DOCK1: variants seen among roughly 807,000 people sequenced by gnomAD.
DOCK1 encodes the protein dedicator of cytokinesis protein 1.
Under a neutral mutation model 262.7 loss-of-function variants are expected in DOCK1, and 138 were observed. The ratio of observed to expected loss-of-function variants is 0.53; its 90% confidence interval spans 0.46 to 0.61. The LOEUF is 0.61. Ranked by LOEUF, DOCK1 falls within the 20% of genes least tolerant of loss-of-function variation. The pLI is 0.00. For synonymous variants in DOCK1, 866 were observed against 867.4 expected (o/e 1.00, Z 0.03); for missense variants, 1,908 against 2,370.7 (o/e 0.80, Z 4.05).
At chr10:127,335,559 T>G (rs1436228909) in intron 29 of DOCK1, among the ~76,000 whole-genome samples, 1 of 127,572 alleles carries the variant, frequency 7.8e-6, no homozygotes, top group African/African-American at 2.8e-5. Flanking sequence ...AGATTTTTTT[T>G]TTTTTTGAGA....
intron 27 of DOCK1, among the ~76,000 whole-genome samples, chr10:127,142,672 G>A (rs1211172992): frequency 6.6e-6 from 1 of 152,162 alleles, no homozygotes; most frequent in African/African-American, 2.4e-5. Context: ...CCTGGGGACT[G>A]TAGGGATTTA....
chr10:126,996,773 A>G lies in DOCK1; in HGVS notation c.499A>G (p.Arg167Gly), dbSNP rs752049755. Residue 167 changes from arginine to glycine, a missense_variant, in exon 7 of 52, where the codon AGA becomes GGA. Physicochemically the swap from Arg to Gly is moderately radical, Grantham distance 125. Around this residue, in one of 9 missense-constraint regions of DOCK1, gnomAD observed 227 missense variants for 254.1 expected, o/e 0.89. Coordinates refer to ENST00000623213, the MANE Select transcript of DOCK1 (RefSeq NM_001290223.2). ...NRILDLDLVV[R>G]DEDGNILDPE... The stretch of plus-strand genomic sequence containing the variant: ...AATTCTAGATTTGGACCTGGTGGTT[A>G]GAGATGAAGATGGGAATATTTTGGA... 6.2e-7 allele frequency: 1 copy of G among 1,612,198 alleles called. No homozygotes were observed. The highest frequency in any genetic ancestry group is 1.1e-5 in the South Asian group (1 of 90,730).
intron 27 of DOCK1, among the ~76,000 whole-genome samples, chr10:127,152,883 A>G (rs1168880050): frequency 2.0e-5 from 3 of 152,168 alleles, no homozygotes; most frequent in African/African-American, 7.2e-5. Flanking sequence ...CCTGGGCCCT[A>G]TCTGGGATGC....
chr10:127,037,696 T>G, intron 18 of DOCK1, 23 bp from the exon 19 acceptor site: 3 of 1,557,082 alleles, frequency 1.9e-6, no homozygotes, highest in Non-Finnish European at 2.6e-6. Flanking sequence ...TGTGAAGATC[T>G]GATTGTCATT....
intron 38 of DOCK1, chr10:127,402,602 C>T (rs1379424708): frequency 1.2e-5 from 6 of 502,266 alleles, no homozygotes; most frequent in Non-Finnish European, 2.4e-5. Context: ...TGGTGATATT[C>T]GACATAGCAT....
chr10:126,994,303 GTTTA>G (rs34542672), intron 6 of DOCK1, among the ~76,000 whole-genome samples: 99,995 of 151,082 alleles, frequency 0.66, 33,563 homozygotes, highest in East Asian at 0.78. Flanking sequence ...AATATGTACT[GTTTA>G]TTTATTTATT....
At chr10:127,030,868 A>G (rs61873975) in intron 16 of DOCK1, among the ~76,000 whole-genome samples, 8,321 of 152,220 alleles carry the variant, frequency 0.055, 253 homozygotes, top group Non-Finnish European at 0.068. Flanking sequence ...TAAACACAAC[A>G]TCTGGTAGTG....
chr10:127,073,961 A>C (rs2046374575), intron 23 of DOCK1, among the ~76,000 whole-genome samples: 1 of 152,188 alleles, frequency 6.6e-6, no homozygotes, highest in Non-Finnish European at 1.5e-5. Context: ...CAGCATGCCA[A>C]GTAGCCCAAA....
chr10:127,155,060 AG>A (rs1395506147), intron 27 of DOCK1, among the ~76,000 whole-genome samples: 18 of 152,142 alleles, frequency 1.2e-4, no homozygotes, highest in Admixed American at 1.2e-3. Flanking sequence ...GCAGGAGAAA[AG>A]CTCCCATCTG....
chr10:126,925,666 G>A (rs1182361393), intron 1 of DOCK1, among the ~76,000 whole-genome samples: 1 of 152,138 alleles, frequency 6.6e-6, no homozygotes. Flanking sequence ...ACAGGCGTGA[G>A]CCACCCTGGC....
chr10:127,219,237 A>G (rs1212945196), intron 27 of DOCK1, among the ~76,000 whole-genome samples: 1 of 152,204 alleles, frequency 6.6e-6, no homozygotes, highest in Non-Finnish European at 1.5e-5. Context: ...CAGTTTCTGA[A>G]TATATTCTAC....
At chr10:127,381,447 C>T in intron 37 of DOCK1, 79 bp downstream of exon 37, 2 of 1,338,308 alleles carry the variant, frequency 1.5e-6, no homozygotes, top group South Asian at 2.9e-5. Context: ...TTTTCCATGG[C>T]AAATTTTAGT....
At chr10:126,929,268 C>A (rs2034004184) in intron 1 of DOCK1, among the ~76,000 whole-genome samples, 1 of 152,196 alleles carries the variant, frequency 6.6e-6, no homozygotes, top group African/African-American at 2.4e-5. Context: ...ATTTACCTCA[C>A]CCTCTATGCT....
chr10:127,409,123 G>C lies in DOCK1; in HGVS notation c.4209G>C (p.Glu1403Asp). 2 of 1,611,352 alleles carry C rather than the reference G, an allele frequency of 1.2e-6. No homozygotes were observed. The highest frequency in any genetic ancestry group is 1.7e-6 in the Non-Finnish European group (2 of 1,178,696). The part of the protein sequence containing the change: ...ARLLTQFPNA[E>D]KMKTTSPPGD... ...TCTTAACTCAGTTTCCAAACGCCGA[G>C]AAAATGAAGACAACATCTCCACCAG... The change falls in exon 41 of 52, where the codon GAG (glutamate) becomes GAC (aspartate). Residue 1403 changes from glutamate (E) to aspartate (D), a missense_variant. Glu to Asp is a conservative substitution (Grantham distance 45, BLOSUM62 2). Transcript: ENST00000623213.
At position 126,948,351 on chromosome 10, in the gene DOCK1, A is replaced by G. The variant is rs1404382704; in HGVS notation, c.47-22351A>G. ...GTTGGTAGTATTACTGTTGGTGGTG[A>G]TGGTGGTGGTTGGTAGTATTACTGT... On this transcript the variant is annotated intron_variant, in intron 1 of 51. Coordinates refer to ENST00000623213, the MANE Select transcript of DOCK1 (RefSeq NM_001290223.2). Among the ~76,000 whole-genome samples, 21 of 38,524 alleles carry G rather than the reference A, an allele frequency of 5.5e-4. 2 individuals are homozygous for G. The highest frequency in any genetic ancestry group is 9.7e-4 in the African/African-American group (8 of 8,216). 25.3% of individuals were successfully genotyped at this position (38,524 alleles called of 152,430 possible). A position where few individuals can be genotyped will look rare whatever the true frequency, so the allele number is the denominator to read the frequency against.
At chr10:126,978,106 T>A in intron 3 of DOCK1, 118 bp downstream of exon 3, 1 of 959,400 alleles carries the variant, frequency 1.0e-6, no homozygotes, top group Non-Finnish European at 1.6e-6. Flanking sequence ...TCTCTGAATT[T>A]AAAAAAATAT....
intron 1 of DOCK1, among the ~76,000 whole-genome samples, chr10:126,917,641 C>T (rs184970962): frequency 4.0e-4 from 61 of 152,264 alleles, no homozygotes; most frequent in Admixed American, 1.5e-3. Flanking sequence ...GCCTCCGGAC[C>T]CCTTCTGGAA....
rs180698853 is a variant in DOCK1 at position 127,034,853 on chromosome 10, A to T, written c.1912+2533A>T. Among the ~76,000 whole-genome samples the T allele has an allele frequency of 3.6e-4, 48 of 131,846 alleles. No homozygotes were observed. In the East Asian group the frequency reaches 4.5e-3, roughly 12 times the overall value. 86.5% of individuals were successfully genotyped at this position (131,846 alleles called of 152,430 possible). On this transcript the variant is annotated intron_variant, in intron 18 of 51. Coordinates refer to ENST00000623213, the MANE Select transcript of DOCK1 (RefSeq NM_001290223.2). ...ATCCACAGAATCCTTCTTAACCCTT[A>T]TGACCCTGGAGAAAGGGGACTGTGG...
Position 127,218,562 on chromosome 10 carries a change from A to G in DOCK1, c.2848-29446A>G, listed in dbSNP as rs1427008997. ...TGCCAACCAAAAATGTTCCCTTGGA[A>G]TGACTTCTGACTGTTTGTGCTGAAA... On this transcript the variant is annotated intron_variant, in intron 27 of 51. Transcript: ENST00000623213. 2.0e-5 allele frequency among the ~76,000 whole-genome samples: 3 copies of G among 152,178 alleles called. No homozygotes were observed. In the East Asian group the frequency reaches 5.8e-4, roughly 29 times the overall value.
Sources: gnomAD v4.1 joint callset for allele counts (sites outside exome capture counted in the v4.1 genomes callset) on GRCh38, gnomAD v4.1.1 for gene constraint, gnomAD v4.1.1 regional missense constraint, MANE v1.5 for transcripts, NCBI Gene and HGNC (gene_info 2026-07-23, HGNC 2026-07-21) for gene names.